SDK2: variants seen among roughly 807,000 people sequenced by gnomAD.
The protein encoded by SDK2 is sidekick cell adhesion molecule 2.
Under a neutral mutation model 253.9 loss-of-function variants are expected in SDK2, and 105 were observed. The ratio of observed to expected loss-of-function variants is 0.41; its 90% CI spans 0.35 to 0.49. SDK2 has a LOEUF of 0.49. SDK2 is among the 20% of genes least tolerant of loss of function. SDK2 has a pLI of 0.06. For synonymous variants in SDK2, 1,249 were observed against 1,234.9 expected (o/e 1.01, Z -0.24); for missense variants, 2,608 against 3,003.0 (o/e 0.87, Z 3.07).
intron 1 of SDK2, among the ~76,000 whole-genome samples, chr17:73,532,613 C>T (rs2064178421): frequency 6.6e-6 from 1 of 152,206 alleles, no homozygotes; most frequent in Admixed American, 6.5e-5. Flanking sequence ...ACAATGAAAT[C>T]GCCCTTCTTA....
chr17:73,463,235 C>T (rs947894302), intron 3 of SDK2, among the ~76,000 whole-genome samples: 8 of 152,282 alleles, frequency 5.3e-5, no homozygotes, highest in African/African-American at 1.9e-4. Flanking sequence ...AGAAATTCCC[C>T]CAAGAGCAAA....
At position 73,334,582 on chromosome 17, in the gene SDK2, T is replaced by G. The variant is rs537951787; in HGVS notation, c.*4005A>C. ...TAATGAATACTCTCCCCATAATTTT[T>G]TGTTATATCTTTTAAATCAAAAAAT... On this transcript the variant is annotated 3_prime_UTR_variant, in exon 45 of 45. Transcript: ENST00000392650. 1.2e-4 allele frequency: 19 copies of G among 152,334 alleles called. No individual in the cohort carries two copies. The highest frequency in any genetic ancestry group is 4.3e-4 in the African/African-American group (18 of 41,572). 9.4% of individuals were successfully genotyped at this position (152,334 alleles called of 1,614,324 possible).
chr17:73,542,335 A>AG (rs1481460247), intron 1 of SDK2, among the ~76,000 whole-genome samples: 2 of 152,128 alleles, frequency 1.3e-5, no homozygotes, highest in African/African-American at 4.8e-5. Flanking sequence ...CCTGTGATGG[A>AG]GGGGGTGCTA....
chr17:73,446,498 A>G (rs1040937434), intron 5 of SDK2, among the ~76,000 whole-genome samples: 1 of 152,178 alleles, frequency 6.6e-6, no homozygotes, highest in South Asian at 2.1e-4. Context: ...GATAATGGGA[A>G]GCGGTTCCTG....
intron 33 of SDK2, among the ~76,000 whole-genome samples, chr17:73,382,756 C>G (rs1180404687): frequency 6.6e-6 from 1 of 152,230 alleles, no homozygotes; most frequent in Non-Finnish European, 1.5e-5. Flanking sequence ...AATCCCAGCA[C>G]TCTGGGAGGC....
intron 12 of SDK2, among the ~76,000 whole-genome samples, chr17:73,429,691 C>A (rs2063311125): frequency 6.6e-6 from 1 of 152,244 alleles, no homozygotes; most frequent in South Asian, 2.1e-4. Flanking sequence ...AATAGAGAAG[C>A]AACACGCAGG....
intron 1 of SDK2, among the ~76,000 whole-genome samples, chr17:73,602,086 C>T (rs1219486185): frequency 3.9e-5 from 6 of 152,202 alleles, no homozygotes; most frequent in East Asian, 1.9e-4. Flanking sequence ...TGCTTCGTTG[C>T]GGCAGCCACA....
chr17:73,556,680 T>C (rs1489882044), intron 1 of SDK2, among the ~76,000 whole-genome samples: 1 of 152,238 alleles, frequency 6.6e-6, no homozygotes, highest in Non-Finnish European at 1.5e-5. Flanking sequence ...CTGTTTCCGG[T>C]TTTGAAAGGA....
intron 2 of SDK2, among the ~76,000 whole-genome samples, chr17:73,498,492 G>A (rs2063861170): frequency 6.6e-6 from 1 of 152,200 alleles, no homozygotes; most frequent in South Asian, 2.1e-4. Flanking sequence ...CTAGCTCTGT[G>A]CCGGGCAGGC....
At chr17:73,576,893 G>A (rs1406663306) in intron 1 of SDK2, among the ~76,000 whole-genome samples, 4 of 152,188 alleles carry the variant, frequency 2.6e-5, no homozygotes, top group Non-Finnish European at 5.9e-5. Flanking sequence ...GTGCAATTCT[G>A]AGAACAAGCC....
intron 1 of SDK2, among the ~76,000 whole-genome samples, chr17:73,617,327 G>A (rs180693893): frequency 2.7e-5 from 4 of 149,150 alleles, no homozygotes; most frequent in Non-Finnish European, 4.5e-5. Flanking sequence ...GGCCTCCTGC[G>A]GAGGGGAGGG....
chr17:73,614,468 G>A (rs2046021896), intron 1 of SDK2, among the ~76,000 whole-genome samples: 1 of 150,912 alleles, frequency 6.6e-6, no homozygotes, highest in Middle Eastern at 3.4e-3. Flanking sequence ...TAGACTGGAG[G>A]TTGGGGAAAC....
rs775253223 is a variant in SDK2 at position 73,379,442 on chromosome 17, G to T, written c.4864+6C>A. On this transcript the variant is annotated splice_donor_region_variant and intron_variant, in intron 35 of 44. Transcript: ENST00000392650. This position sits in a 1 kb window ranked among gnomAD's most constrained non-coding sequence, Gnocchi z 4.5. ...GCTGGGGCCGGACAGGGCGGGCGCTGCTCACCTGCCTCCCCAACAAAGACC... is the reference window on the plus strand; with the variant it reads ...GCTGGGGCCGGACAGGGCGGGCGCTTCTCACCTGCCTCCCCAACAAAGACC... 1 of 1,596,094 alleles carries T rather than the reference G, an allele frequency of 6.3e-7. No individual in the cohort carries two copies. Among genetic ancestry groups the T allele is most frequent in the East Asian group, 2.2e-5 (1 of 44,790 alleles).
At chr17:73,591,073 C>A (rs1363607182) in intron 1 of SDK2, among the ~76,000 whole-genome samples, 3 of 152,158 alleles carry the variant, frequency 2.0e-5, no homozygotes, top group Non-Finnish European at 4.4e-5. Flanking sequence ...GCGCCTGCCA[C>A]TACACCTGGC....
rs778406096 is a variant in SDK2 at position 73,467,966 on chromosome 17, C to T, written c.331+4146G>A. Among the ~76,000 whole-genome samples the T allele has an allele frequency of 2.0e-5, 3 of 152,198 alleles. No individual in the cohort carries two copies. The highest frequency in any genetic ancestry group is 4.4e-5 in the Non-Finnish European group (3 of 68,038). On this transcript the variant is annotated intron_variant, in intron 3 of 44. Coordinates refer to ENST00000392650, the MANE Select transcript of SDK2 (RefSeq NM_001144952.2). This position sits in a 1 kb window ranked among gnomAD's most constrained non-coding sequence, Gnocchi z 4.1. ...ACTCCAAGGTGTCCTATTCCTTTGC[C>T]AGGGGCCTTACCCATATGTGCACAG...
At chr17:73,354,018 G>C (rs1248429095) in intron 40 of SDK2, among the ~76,000 whole-genome samples, 1 of 151,860 alleles carries the variant, frequency 6.6e-6, no homozygotes, top group African/African-American at 2.4e-5. Flanking sequence ...TTTCTTTTTA[G>C]TAACAGCTGC....
chr17:73,508,487 C>T (rs1445309993), intron 1 of SDK2, among the ~76,000 whole-genome samples: 1 of 152,182 alleles, frequency 6.6e-6, no homozygotes, highest in Non-Finnish European at 1.5e-5. Flanking sequence ...GGCTCTAATC[C>T]GTCAAGGAGA....
intron 21 of SDK2, among the ~76,000 whole-genome samples, chr17:73,400,088 T>G (rs1023396081): frequency 6.6e-6 from 1 of 152,188 alleles, no homozygotes; most frequent in South Asian, 2.1e-4. Flanking sequence ...CCCAGCCATC[T>G]ACGCAGCAGG....
At position 73,361,208 on chromosome 17, in the gene SDK2, G is replaced by A. The variant is rs905553717; in HGVS notation, c.5467+476C>T. On this transcript the variant is annotated intron_variant, in intron 39 of 44. Transcript: ENST00000392650. This position sits in a 1 kb window ranked among gnomAD's most constrained non-coding sequence, Gnocchi z 4.1. The stretch of plus-strand genomic sequence containing the variant: ...CTCAGCCCCAGGAAATCAACCCCTC[G>A]GAGCATCCACCCTGGGAACGTGCAT... Among the ~76,000 whole-genome samples the A allele has an allele frequency of 4.6e-5, 7 of 152,052 alleles. No homozygotes were observed. The highest frequency in any genetic ancestry group is 7.2e-5 in the African/African-American group (3 of 41,390).
Sources: gnomAD v4.1 joint callset for allele counts (sites outside exome capture counted in the v4.1 genomes callset) on GRCh38, gnomAD v4.1.1 for gene constraint, Gnocchi (gnomAD v3.1) non-coding constraint, MANE v1.5 for transcripts, NCBI Gene and HGNC (gene_info 2026-07-23, HGNC 2026-07-21) for gene names.